The following GRID2 variants were observed in gnomAD, a reference collection of about 807,000 sequenced individuals.
GRID2 encodes the protein glutamate ionotropic receptor delta type subunit 2.
Under a neutral mutation model 114.8 loss-of-function variants are expected in GRID2, and 33 were observed. The ratio of observed to expected loss-of-function variants is 0.29; its 90% CI spans 0.22 to 0.38. The LOEUF is 0.38. Among genes scored for constraint, GRID2 ranks in the 10% least tolerant of loss-of-function variants. The probability of loss-of-function intolerance (pLI) is 1.00; values close to 1 mark genes in which losing one functional copy is unlikely to be tolerated. For missense variants in GRID2, 1,184 were observed against 1,257.7 expected (o/e 0.94, Z 0.89); for synonymous variants, 505 against 449.9 (o/e 1.12, Z -1.55).
intron 1 of GRID2, among the ~76,000 whole-genome samples, chr4:93,806,115 A>G (rs1225562190): frequency 6.6e-6 from 1 of 152,210 alleles, no homozygotes; most frequent in Admixed American, 6.5e-5. Context: ...AATAAACAAA[A>G]AAAAGCGTAT....
At chr4:93,497,828 T>C (rs772110650) in intron 12 of GRID2, among the ~76,000 whole-genome samples, 2 of 151,882 alleles carry the variant, frequency 1.3e-5, no homozygotes, top group African/African-American at 2.4e-5. Flanking sequence ...TTTGTCTTTT[T>C]ATTATAAATT....
intron 2 of GRID2, among the ~76,000 whole-genome samples, chr4:93,044,496 A>G (rs1725936327): frequency 6.6e-6 from 1 of 152,176 alleles, no homozygotes; most frequent in African/African-American, 2.4e-5. Context: ...TAGAATAAGC[A>G]TTTATAAGGA....
At chr4:92,530,651 C>T (rs955767247) in intron 1 of GRID2, among the ~76,000 whole-genome samples, 1 of 150,950 alleles carries the variant, frequency 6.6e-6, no homozygotes, top group African/African-American at 2.4e-5. Flanking sequence ...CCTGTAATCC[C>T]AGTACATTGG....
At chr4:92,420,347 T>C (rs1481307617) in intron 1 of GRID2, among the ~76,000 whole-genome samples, 1 of 152,194 alleles carries the variant, frequency 6.6e-6, no homozygotes. Flanking sequence ...ACATAGAAAC[T>C]ATTTTTAAAT....
chr4:93,433,032 C>T (rs547935820), intron 10 of GRID2, among the ~76,000 whole-genome samples: 8 of 152,222 alleles, frequency 5.3e-5, no homozygotes, highest in South Asian at 2.1e-4. Context: ...ATAGCACCAC[C>T]GCACTCTAGC....
At chr4:93,696,364 C>T (rs931470550) in intron 14 of GRID2, among the ~76,000 whole-genome samples, 11 of 152,188 alleles carry the variant, frequency 7.2e-5, no homozygotes, top group African/African-American at 2.4e-4. Flanking sequence ...CAATTTAACA[C>T]TTTTAAAACT....
At chr4:93,254,941 C>G (rs998481026) in intron 8 of GRID2, among the ~76,000 whole-genome samples, 3 of 152,028 alleles carry the variant, frequency 2.0e-5, no homozygotes, top group African/African-American at 7.2e-5. Flanking sequence ...ACCTTCTTTT[C>G]CTTTCCGTGG....
intron 2 of GRID2, among the ~76,000 whole-genome samples, chr4:92,787,812 C>T (rs1739391996): frequency 6.6e-6 from 1 of 151,786 alleles, no homozygotes; most frequent in Non-Finnish European, 1.5e-5. Context: ...GATGGTGCTG[C>T]CTCCTACGGT....
At chr4:92,471,321 A>T (rs892880319) in intron 1 of GRID2, among the ~76,000 whole-genome samples, 1 of 152,098 alleles carries the variant, frequency 6.6e-6, no homozygotes, top group Non-Finnish European at 1.5e-5. Flanking sequence ...ATAATGTTAC[A>T]TGACTCCAAA....
chr4:93,787,902 C>T (rs1008553533), intron 1 of GRID2, among the ~76,000 whole-genome samples: 2 of 151,844 alleles, frequency 1.3e-5, no homozygotes, highest in Admixed American at 6.6e-5. Context: ...GATGTCTGGA[C>T]GAATAGACTC....
rs1491118700 is a variant in GRID2, at chr4:93,122,891, T to TTTTTTTTG, written c.735+11945_735+11946insGTTTTTTT. ...TTACTAGTCAATCCACAGATGTGGG[T>TTTTTTTTG]TTTTTTTTTTTTTTTTTTTTTGATG... On this transcript the variant is annotated intron_variant, in intron 4 of 15. Coordinates refer to ENST00000282020, the MANE Select transcript of GRID2 (RefSeq NM_001510.4). 3.9e-3 allele frequency among the ~76,000 whole-genome samples: 231 copies of TTTTTTTTG among 58,762 alleles called. 5 individuals carry two copies. Among genetic ancestry groups the TTTTTTTTG allele is most frequent in the East Asian group, 0.019 (43 of 2,262 alleles). 38.6% of individuals were successfully genotyped at this position (58,762 alleles called of 152,430 possible).
intron 8 of GRID2, among the ~76,000 whole-genome samples, chr4:93,259,339 T>TA (rs1749983700): frequency 6.6e-6 from 1 of 151,808 alleles, no homozygotes; most frequent in Non-Finnish European, 1.5e-5. Context: ...GTTAGGCACT[T>TA]ACAATCCCGG....
intron 1 of GRID2, among the ~76,000 whole-genome samples, chr4:92,351,420 T>G (rs1728065499): frequency 6.6e-6 from 1 of 151,858 alleles, no homozygotes; most frequent in African/African-American, 2.4e-5. Flanking sequence ...AGGTTGATAT[T>G]TTGATACATG....
chr4:93,453,606 T>G (rs1417690355), intron 10 of GRID2, among the ~76,000 whole-genome samples: 1 of 152,122 alleles, frequency 6.6e-6, no homozygotes, highest in Admixed American at 6.6e-5. Flanking sequence ...AAAATTCACT[T>G]CGTGATATTT....
At chr4:92,356,553 GTAGA>G (rs1728336591) in intron 1 of GRID2, among the ~76,000 whole-genome samples, 1 of 151,508 alleles carries the variant, frequency 6.6e-6, no homozygotes, top group East Asian at 1.9e-4. Context: ...ATATTTATAT[GTAGA>G]TAAATACTCT....
At chr4:93,763,744 A>G (rs1438184002) in intron 14 of GRID2, among the ~76,000 whole-genome samples, 1 of 152,206 alleles carries the variant, frequency 6.6e-6, no homozygotes, top group Non-Finnish European at 1.5e-5. Context: ...ATGCCGGATT[A>G]CTTAGCGTCT....
intron 13 of GRID2, among the ~76,000 whole-genome samples, chr4:93,559,804 C>G (rs1734706046): frequency 6.6e-6 from 1 of 152,074 alleles, no homozygotes; most frequent in South Asian, 2.1e-4. Flanking sequence ...GCACTATTCA[C>G]AGTAGCAATG....
At chr4:93,042,786 G>C (rs1725725812) in intron 2 of GRID2, among the ~76,000 whole-genome samples, 1 of 149,972 alleles carries the variant, frequency 6.7e-6, no homozygotes, top group Non-Finnish European at 1.5e-5. Flanking sequence ...AGCTCATTAA[G>C]ACCTATGTGA....
intron 1 of GRID2, among the ~76,000 whole-genome samples, chr4:92,547,883 A>G (rs1238707381): frequency 6.6e-6 from 1 of 152,200 alleles, no homozygotes; most frequent in Admixed American, 6.5e-5. Flanking sequence ...AACATAGTTG[A>G]AGGAAATGAA....
Sources: allele counts gnomAD v4.1 joint callset (sites outside exome capture counted in the v4.1 genomes callset), GRCh38; gene constraint gnomAD v4.1.1; transcripts MANE v1.5; gene names NCBI Gene and HGNC (gene_info 2026-07-23, HGNC 2026-07-21).